Variants in BCKDHA observed in about 807,000 individuals in gnomAD.
BCKDHA encodes 2-oxoisovalerate dehydrogenase subunit alpha, mitochondrial.
Under a neutral mutation model 52.2 loss-of-function variants are expected in BCKDHA, and 43 were observed. That is an observed-to-expected ratio of 0.82 (90% CI 0.64 to 1.06). BCKDHA has a LOEUF of 1.06. Among genes scored for constraint, BCKDHA ranks in the 50% least tolerant of loss-of-function variants. The pLI, the probability that BCKDHA is intolerant of heterozygous loss-of-function variation, is 0.00. For missense variants in BCKDHA, 527 were observed against 621.3 expected, an observed-to-expected ratio of 0.85 and a Z score of 1.61; for synonymous variants, 234 against 247.9, an observed-to-expected ratio of 0.94 and a Z score of 0.53.
At chr19:41,414,464 A>G (rs1183537490) in intron 4 of BCKDHA, among the ~76,000 whole-genome samples, 1 of 152,116 alleles carries the variant, frequency 6.6e-6, no homozygotes, top group Non-Finnish European at 1.5e-5. Flanking sequence ...AGGGATTATG[A>G]CGGTACCTGC....
chr19:41,398,938 T>C (rs994139987), intron 1 of BCKDHA, among the ~76,000 whole-genome samples: 1 of 152,082 alleles, frequency 6.6e-6, no homozygotes, highest in African/African-American at 2.4e-5. Flanking sequence ...TGTAAAATGC[T>C]AAGGACTGGA....
chr19:41,398,369 C>T (rs553143121), intron 1 of BCKDHA, among the ~76,000 whole-genome samples: 2 of 152,282 alleles, frequency 1.3e-5, no homozygotes, highest in African/African-American at 4.8e-5. Context: ...GAGAACAGGT[C>T]CCTGTCACAG....
intron 4 of BCKDHA, among the ~76,000 whole-genome samples, chr19:41,416,826 G>A (rs2039312507): frequency 6.6e-6 from 1 of 152,144 alleles, no homozygotes; most frequent in South Asian, 2.1e-4. Context: ...AGCTGAGTGG[G>A]AGGATTGCTT....
chr19:41,408,361 A>G (rs1568502887), intron 1 of BCKDHA, among the ~76,000 whole-genome samples: 1 of 151,428 alleles, frequency 6.6e-6, no homozygotes, highest in Non-Finnish European at 1.5e-5. Flanking sequence ...CAGATAATCA[A>G]CCTCACAAAT....
chr19:41,400,184 C>T (rs1219798523), intron 1 of BCKDHA, among the ~76,000 whole-genome samples: 3 of 151,842 alleles, frequency 2.0e-5, no homozygotes, highest in Non-Finnish European at 2.9e-5. Flanking sequence ...CCCCCACCTC[C>T]ACCTCCTAAG....
intron 4 of BCKDHA, among the ~76,000 whole-genome samples, chr19:41,416,491 G>A (rs537307560): frequency 6.6e-6 from 1 of 152,344 alleles, no homozygotes; most frequent in East Asian, 1.9e-4. Flanking sequence ...AAGGAGTGGA[G>A]CCGAGTCTTT....
At chr19:41,399,288 G>A (rs1232985801) in intron 1 of BCKDHA, 1 of 151,874 alleles carries the variant, frequency 6.6e-6, no homozygotes, top group Middle Eastern at 3.4e-3. Context: ...GGAGCAAGGT[G>A]TGGGTAGGGC....
At chr19:41,403,674 A>G (rs1268837731) in intron 1 of BCKDHA, among the ~76,000 whole-genome samples, 1 of 152,098 alleles carries the variant, frequency 6.6e-6, no homozygotes, top group Non-Finnish European at 1.5e-5. Context: ...CTGGAGGGGT[A>G]CTATCTGATC....
At position 41,397,952 on chromosome 19, in the gene BCKDHA, C is replaced by A; in HGVS notation, c.108+17C>A. 2 of 1,610,462 alleles carry A rather than the reference C, an allele frequency of 1.2e-6. No individual in the cohort carries two copies. Among genetic ancestry groups the A allele is most frequent in the Non-Finnish European group, 1.7e-6 (2 of 1,177,340 alleles). ...GCTAGATCTGTGAGTACCTGGGCCCCAGGCGGTTTTCCCAAAGGGGATTAG... is the reference window on the plus strand; with the variant it reads ...GCTAGATCTGTGAGTACCTGGGCCCAAGGCGGTTTTCCCAAAGGGGATTAG... On this transcript the variant is annotated intron_variant, in intron 1 of 8. Transcript: ENST00000269980.
chr19:41,424,087 G>T (rs771164643), intron 8 of BCKDHA, among the ~76,000 whole-genome samples: 10 of 152,060 alleles, frequency 6.6e-5, no homozygotes, highest in Admixed American at 6.6e-4. Flanking sequence ...TCCCTGGCCC[G>T]GTCATTAGGA....
intron 4 of BCKDHA, 116 bp from the exon 5 acceptor site, chr19:41,419,019 C>T (rs1442165826): frequency 1.5e-6 from 2 of 1,309,198 alleles, no homozygotes; most frequent in South Asian, 1.2e-5. Context: ...CAGTCTTCCT[C>T]TTAAAACAAG....
Position 41,424,602 on chromosome 19 carries a change from T to C in BCKDHA, c.1332T>C (p.Asp444=). 5 of 1,601,686 alleles carry C rather than the reference T, an allele frequency of 3.1e-6. No individual in the cohort carries two copies. The highest frequency in any genetic ancestry group is 4.3e-6 in the Non-Finnish European group (5 of 1,171,724). The change falls in exon 9 of 9, where the codon GAT becomes GAC. Residue 444 remains aspartate (D), a synonymous_variant. Coordinates refer to ENST00000269980, the MANE Select transcript of BCKDHA (RefSeq NM_000709.4). ...AGCACTACCCACTGGATCACTTCGA[T>C]AAGTGAGACCTGCTCAGCCCACCCC... The part of the protein sequence containing the change: ...YGEHYPLDHF[D]K
intron 4 of BCKDHA, among the ~76,000 whole-genome samples, chr19:41,416,964 G>T (rs1480155619): frequency 6.6e-6 from 1 of 152,130 alleles, no homozygotes; most frequent in Admixed American, 6.6e-5. Flanking sequence ...AAGAGCAGCA[G>T]TTCCCACTGG....
At chr19:41,419,949 TG>T (rs1236221009) in intron 5 of BCKDHA, among the ~76,000 whole-genome samples, 6 of 151,640 alleles carry the variant, frequency 4.0e-5, no homozygotes, top group African/African-American at 7.3e-5. Flanking sequence ...TTGTATTTTT[TG>T]TAGAGATAAG....
chr19:41,419,159 C>G lies in BCKDHA; in HGVS notation c.509C>G (p.Pro170Arg). Reference protein sequence around the residue: ...EAGVLMYRDYPLELFMAQCYG... With the variant: ...EAGVLMYRDYRLELFMAQCYG... ...GGTGTGCTGATGTATCGGGACTACC[C>G]CCTGGAACTATTCATGGCCCAGTGC... is the stretch of plus-strand genomic sequence containing the variant. The change falls in exon 5 of 9, where the codon CCC becomes CGC. Residue 170 changes from proline to arginine, a missense_variant. Coordinates refer to ENST00000269980, the MANE Select transcript of BCKDHA (RefSeq NM_000709.4). The G allele has an allele frequency of 6.2e-7, 1 of 1,614,212 alleles. No homozygotes were observed. Among genetic ancestry groups the G allele is most frequent in the Non-Finnish European group, 8.5e-7 (1 of 1,180,024 alleles).
chr19:41,400,240 AT>A (rs1234919689), intron 1 of BCKDHA: 5,372 of 134,466 alleles, frequency 0.04, 296 homozygotes, highest in African/African-American at 0.13. Context: ...CTAATTTTTA[AT>A]TTTTTTTTTT....
chr19:41,422,846 T>A (rs963552311), intron 7 of BCKDHA, 76 bp downstream of exon 7: 37 of 1,605,734 alleles, frequency 2.3e-5, no homozygotes, highest in Non-Finnish European at 3.1e-5. Flanking sequence ...TCGATCACTG[T>A]CTCCAAAACA....
rs138025447 is a variant in BCKDHA at position 41,410,741 on chromosome 19, C to T, written c.213C>T (p.Asn71=). The change falls in exon 2 of 9, where the codon AAC becomes AAT. Residue 71 remains asparagine (N), a synonymous_variant. Coordinates refer to ENST00000269980, the MANE Select transcript of BCKDHA (RefSeq NM_000709.4). ...ATAAGTTGGAATTCATCCAGCCCAA[C>T]GTCATCTCTGGAATCCCCATCTACC... ...FIDKLEFIQP[N]VISGIPIYRV... The T allele has an allele frequency of 3.2e-4, 513 of 1,614,076 alleles. No homozygotes were observed. The highest frequency in any genetic ancestry group is 4.2e-4 in the Non-Finnish European group (494 of 1,180,040).
At chr19:41,407,831 G>A (rs1009418361) in intron 1 of BCKDHA, among the ~76,000 whole-genome samples, 5 of 152,176 alleles carry the variant, frequency 3.3e-5, no homozygotes, top group African/African-American at 9.7e-5. Context: ...GAGGAATCCC[G>A]GGAGTAGTGG....
Sources: gnomAD v4.1 joint callset for allele counts (sites outside exome capture counted in the v4.1 genomes callset) on GRCh38, gnomAD v4.1.1 for gene constraint, MANE v1.5 for transcripts, NCBI Gene and HGNC (gene_info 2026-07-23, HGNC 2026-07-21) for gene names.